Variants in SLC9C1 observed in about 807,000 individuals in gnomAD.
The protein encoded by SLC9C1 is sodium/hydrogen exchanger 10.
A neutral mutation model predicts 140.9 loss-of-function variants in SLC9C1; 97 were observed. The ratio of observed to expected loss-of-function variants is 0.69; its 90% CI spans 0.58 to 0.82. The LOEUF is 0.82. Among genes scored for constraint, SLC9C1 ranks in the 40% least tolerant of loss-of-function variants. The pLI is 0.00. For synonymous variants in SLC9C1, 440 were observed against 442.6 expected (o/e 0.99, Z 0.07); for missense variants, 1,340 against 1,389.3 (o/e 0.96, Z 0.56).
intron 12 of SLC9C1, among the ~76,000 whole-genome samples, chr3:112,238,011 T>C (rs901841061): frequency 6.6e-6 from 1 of 152,230 alleles, no homozygotes; most frequent in African/African-American, 2.4e-5. Context: ...CCTGCCTTGC[T>C]AGATTGAGGA....
At position 112,151,052 on chromosome 3, in the gene SLC9C1, G is replaced by T. The variant is rs900620838; in HGVS notation, c.3524+805C>A. Among the ~76,000 whole-genome samples, 12 of 151,670 alleles carry T rather than the reference G, an allele frequency of 7.9e-5. 1 individual carries two copies. Among genetic ancestry groups the T allele is most frequent in the Admixed American group, 6.6e-4 (10 of 15,228 alleles). On this transcript the variant is annotated intron_variant, in intron 28 of 28. Transcript: ENST00000305815. ...GGGGTTTCACTACCTTGGTCAGGCT[G>T]GTCTTGAACTCCTGACCTCGTGATC...
At chr3:112,203,227 C>CCATA (rs2077954655) in intron 17 of SLC9C1, among the ~76,000 whole-genome samples, 1 of 151,956 alleles carries the variant, frequency 6.6e-6, no homozygotes, top group African/African-American at 2.4e-5. Context: ...TAACATAAGA[C>CCATA]CATAGTTCAG....
intron 21 of SLC9C1, 152 bp downstream of exon 21, chr3:112,181,981 G>C: frequency 1.4e-6 from 1 of 701,416 alleles, no homozygotes; most frequent in Non-Finnish European, 2.1e-6. Flanking sequence ...GAAACATTTT[G>C]CATATTATTC....
chr3:112,255,472 T>G (rs2079579285), intron 10 of SLC9C1, among the ~76,000 whole-genome samples: 1 of 152,114 alleles, frequency 6.6e-6, no homozygotes, highest in South Asian at 2.1e-4. Context: ...ACAACCTGCT[T>G]CTTAATGAGT....
intron 7 of SLC9C1, among the ~76,000 whole-genome samples, chr3:112,267,469 G>A (rs2079951164): frequency 6.6e-6 from 1 of 150,558 alleles, no homozygotes; most frequent in South Asian, 2.1e-4. Flanking sequence ...CCAGTTACTT[G>A]GGAGGCTGAG....
At chr3:112,215,741 G>A (rs1201553324) in intron 15 of SLC9C1, among the ~76,000 whole-genome samples, 1 of 152,128 alleles carries the variant, frequency 6.6e-6, no homozygotes, top group Non-Finnish European at 1.5e-5. Context: ...CCATGCTCTG[G>A]GGTAGGAAGA....
At chr3:112,163,522 G>T (rs991520571) in intron 26 of SLC9C1, among the ~76,000 whole-genome samples, 1 of 151,774 alleles carries the variant, frequency 6.6e-6, no homozygotes, top group African/African-American at 2.4e-5. Flanking sequence ...CCTTCATTTC[G>T]TTATGTACCC....
intron 15 of SLC9C1, among the ~76,000 whole-genome samples, chr3:112,215,654 T>C (rs895750210): frequency 2.6e-5 from 4 of 152,172 alleles, no homozygotes; most frequent in Admixed American, 6.5e-5. Flanking sequence ...ACAAGGGATG[T>C]GAAGGACCTC....
intron 13 of SLC9C1, among the ~76,000 whole-genome samples, chr3:112,225,423 T>C (rs1272969530): frequency 6.6e-6 from 1 of 151,658 alleles, no homozygotes; most frequent in African/African-American, 2.4e-5. Flanking sequence ...TGTAAAAACA[T>C]ATAAAACCCA....
intron 6 of SLC9C1, 54 bp downstream of exon 6, chr3:112,274,836 ATCAGCTT>A (rs2080169480): frequency 7.4e-7 from 1 of 1,359,114 alleles, no homozygotes; most frequent in Non-Finnish European, 9.8e-7. Flanking sequence ...CAAAATACAC[ATCAGCTT>A]TCAGAAAATA....
intron 23 of SLC9C1, among the ~76,000 whole-genome samples, chr3:112,171,377 T>A (rs926958266): frequency 1.3e-5 from 2 of 152,206 alleles, no homozygotes; most frequent in Non-Finnish European, 2.9e-5. Flanking sequence ...ATGGTGAACA[T>A]CTTCATGTGT....
At chr3:112,278,011 C>T in intron 4 of SLC9C1, 151 bp from the exon 5 acceptor site, 1 of 514,196 alleles carries the variant, frequency 1.9e-6, no homozygotes, top group Non-Finnish European at 3.3e-6. Context: ...GCTCACGCTG[C>T]TTCAGCTGAC....
rs556373407 is a variant in SLC9C1 at position 112,275,091 on chromosome 3, G to C, written c.485-66C>G. ...AAAACATTAAAAATTAAATGTTAAA[G>C]AATACAATTTTCTTAGCAACTATAA... On this transcript the variant is annotated intron_variant, in intron 5 of 28. Coordinates refer to ENST00000305815, the MANE Select transcript of SLC9C1 (RefSeq NM_183061.3). The C allele has an allele frequency of 2.7e-6, 4 of 1,461,718 alleles. No individual in the cohort carries two copies. The African/African-American group carries it at 5.9e-5, about 21-fold the overall frequency. The allele number at this position is 1,461,718 out of a possible 1,614,324, so 90.5% of individuals were successfully genotyped here.
chr3:112,250,570 A>C (rs1173238846), intron 10 of SLC9C1, among the ~76,000 whole-genome samples: 1 of 151,974 alleles, frequency 6.6e-6, no homozygotes, highest in Non-Finnish European at 1.5e-5. Context: ...CCTCTCCAGC[A>C]CCTGTTGTGT....
chr3:112,268,836 T>C (rs1312355223), intron 7 of SLC9C1, among the ~76,000 whole-genome samples: 2 of 152,132 alleles, frequency 1.3e-5, no homozygotes, highest in East Asian at 3.9e-4. Context: ...ACAGGTGAGG[T>C]AACTAGGTGT....
intron 16 of SLC9C1, among the ~76,000 whole-genome samples, chr3:112,207,037 A>T (rs981994820): frequency 2.0e-5 from 3 of 152,298 alleles, no homozygotes; most frequent in Admixed American, 1.3e-4. Context: ...GTATATATTT[A>T]TACTAGTAAA....
At chr3:112,282,153 G>A (rs1477905210) in intron 2 of SLC9C1, among the ~76,000 whole-genome samples, 3 of 152,206 alleles carry the variant, frequency 2.0e-5, no homozygotes, top group Admixed American at 2.0e-4. Context: ...CAAGAGCAGA[G>A]CTTTCAATGG....
chr3:112,163,521 C>T (rs1476729975), intron 26 of SLC9C1, among the ~76,000 whole-genome samples: 17 of 151,914 alleles, frequency 1.1e-4, no homozygotes, highest in Non-Finnish European at 2.2e-4. Context: ...GCCTTCATTT[C>T]GTTATGTACC....
At chr3:112,246,188 T>G (rs1423130613) in intron 10 of SLC9C1, among the ~76,000 whole-genome samples, 1 of 152,216 alleles carries the variant, frequency 6.6e-6, no homozygotes, top group African/African-American at 2.4e-5. Context: ...GAGTGCAGCA[T>G]CAGCCTCTGG....
Sources: gnomAD v4.1 joint callset for allele counts (sites outside exome capture counted in the v4.1 genomes callset) on GRCh38, gnomAD v4.1.1 for gene constraint, MANE v1.5 for transcripts, NCBI Gene and HGNC (gene_info 2026-07-23, HGNC 2026-07-21) for gene names.